Variants in CHD9 observed in about 807,000 individuals in gnomAD.
The protein encoded by CHD9 is chromodomain helicase DNA binding protein 9.
In CHD9, 77 loss-of-function variants were observed where a neutral mutation model predicts 316.1. The observed-to-expected ratio is 0.24, with a 90% CI of 0.20 to 0.29. The LOEUF is 0.29. Among genes scored for constraint, CHD9 ranks in the 10% least tolerant of loss-of-function variants. The probability of loss-of-function intolerance (pLI) is 1.00; values close to 1 mark genes in which losing one functional copy is unlikely to be tolerated. For synonymous variants in CHD9, 1,129 were observed against 1,158.3 expected, an observed-to-expected ratio of 0.97 and a Z score of 0.51; for missense variants, 2,763 against 3,438.1, an observed-to-expected ratio of 0.80 and a Z score of 4.91.
chr16:53,137,135 A>C (rs1043296814), intron 1 of CHD9, among the ~76,000 whole-genome samples: 4 of 151,910 alleles, frequency 2.6e-5, no homozygotes, highest in African/African-American at 9.7e-5. Flanking sequence ...CACCACGCCC[A>C]GCTAATTTTT....
chr16:53,217,777 T>A (rs994019737), intron 3 of CHD9, among the ~76,000 whole-genome samples: 2 of 151,942 alleles, frequency 1.3e-5, no homozygotes, highest in South Asian at 2.1e-4. Context: ...TAAAAAAAAA[T>A]TATAATATTT....
chr16:53,238,260 C>G, intron 11 of CHD9, 83 bp from the exon 12 acceptor site: 2 of 1,216,586 alleles, frequency 1.6e-6, no homozygotes, highest in Non-Finnish European at 1.1e-6. Context: ...TTTATTTGAT[C>G]TTTGATTATT....
chr16:53,195,370 A>G (rs765081444), intron 2 of CHD9, among the ~76,000 whole-genome samples: 5 of 152,226 alleles, frequency 3.3e-5, no homozygotes, highest in African/African-American at 4.8e-5. Flanking sequence ...TATATTTTCT[A>G]TTAGTTACAA....
chr16:53,229,572 C>T (rs1597534402), intron 8 of CHD9, among the ~76,000 whole-genome samples: 1 of 152,258 alleles, frequency 6.6e-6, no homozygotes, highest in Middle Eastern at 3.4e-3. Context: ...CCAGATTTTT[C>T]TAATAGACTC....
At chr16:53,150,550 C>T (rs2041016729) in intron 1 of CHD9, among the ~76,000 whole-genome samples, 3 of 152,060 alleles carry the variant, frequency 2.0e-5, no homozygotes, top group African/African-American at 7.2e-5. Flanking sequence ...TTATATTTAC[C>T]TATATAATTA....
At chr16:53,143,785 G>A (rs1052800603) in intron 1 of CHD9, among the ~76,000 whole-genome samples, 1 of 152,110 alleles carries the variant, frequency 6.6e-6, no homozygotes, top group Non-Finnish European at 1.5e-5. Flanking sequence ...AATATTACAA[G>A]TTGGATTATT....
At chr16:53,061,780 C>T (rs2032936230) in intron 1 of CHD9, among the ~76,000 whole-genome samples, 1 of 152,176 alleles carries the variant, frequency 6.6e-6, no homozygotes, top group Non-Finnish European at 1.5e-5. Context: ...AAAGGTAGCC[C>T]AGGGCATCTG....
chr16:53,299,953 A>G (rs561572614), intron 30 of CHD9, among the ~76,000 whole-genome samples: 3 of 152,368 alleles, frequency 2.0e-5, no homozygotes, highest in East Asian at 3.9e-4. Context: ...AACCTTTGTT[A>G]CAAGTGTTAC....
intron 34 of CHD9, among the ~76,000 whole-genome samples, chr16:53,312,509 C>CA (rs373832374): frequency 3.3e-4 from 50 of 152,260 alleles, no homozygotes; most frequent in African/African-American, 1.1e-3. Context: ...TAGCATGAAA[C>CA]AGAGACTAGA....
In CHD9 at chr16:53,267,375, T is replaced by C; in HGVS notation, c.4402T>C (p.Ser1468Pro). The part of the protein sequence containing the change: ...SATKDELAEL[S>P]EAESEGDEKP... ...CACAAAAGATGAATTGGCTGAATTA[T>C]CTGAAGCTGAAAGTGAAGGAGATGA... Residue 1468 changes from serine (S) to proline (P), a missense_variant, in exon 21 of 39, where the codon TCT (serine) becomes CCT (proline). By Grantham distance (74) the Ser-to-Pro change is moderately conservative. Around this residue, in one of 15 missense-constraint regions of CHD9, gnomAD observed 199 missense variants for 251.7 expected, o/e 0.79. Transcript: ENST00000447540. The C allele has an allele frequency of 6.2e-7, 1 of 1,613,076 alleles. No individual in the cohort carries two copies. Among genetic ancestry groups the C allele is most frequent in the Non-Finnish European group, 8.5e-7 (1 of 1,179,370 alleles).
intron 2 of CHD9, among the ~76,000 whole-genome samples, chr16:53,175,582 T>C (rs2043046958): frequency 6.6e-6 from 1 of 152,366 alleles, no homozygotes; most frequent in East Asian, 1.9e-4. Flanking sequence ...TGTTTCATAA[T>C]ATGGAATTGT....
At chr16:53,208,091 G>A (rs551671439) in intron 2 of CHD9, 1 of 1,005,394 alleles carries the variant, frequency 9.9e-7, no homozygotes, top group East Asian at 1.1e-4. Flanking sequence ...CAGCTTTTTA[G>A]GAGTGTTTAC....
Position 53,156,913 on chromosome 16 carries a change from C to A in CHD9, c.824C>A (p.Ser275Tyr). 1 of 1,613,444 alleles carries A rather than the reference C, an allele frequency of 6.2e-7. No homozygotes were observed. Among genetic ancestry groups the A allele is most frequent in the Non-Finnish European group, 8.5e-7 (1 of 1,179,504 alleles). The change falls in exon 2 of 39, where the codon TCC becomes TAC. Residue 275 changes from serine to tyrosine, a missense_variant. Physicochemically the swap from Ser to Tyr is moderately radical, Grantham distance 144. Transcript: ENST00000447540. ...SNSQQFSSHYSFSSNHISPNS... is the reference protein window; with the variant it reads ...SNSQQFSSHYYFSSNHISPNS... Reference sequence around the variant, plus strand: ...TCACAGCAATTTTCTTCACATTATTCCTTTTCCAGTAATCATATATCACCA... The same window carrying A: ...TCACAGCAATTTTCTTCACATTATTACTTTTCCAGTAATCATATATCACCA...
intron 2 of CHD9, among the ~76,000 whole-genome samples, chr16:53,175,629 A>G (rs2043051457): frequency 6.6e-6 from 1 of 152,210 alleles, no homozygotes; most frequent in Non-Finnish European, 1.5e-5. Flanking sequence ...TATGATAAGC[A>G]TCTTTATAGA....
At chr16:53,071,726 G>A (rs1001402177) in intron 1 of CHD9, among the ~76,000 whole-genome samples, 3 of 152,106 alleles carry the variant, frequency 2.0e-5, no homozygotes, top group Non-Finnish European at 2.9e-5. Flanking sequence ...CCCACCCCTC[G>A]GTCCTGCTCA....
At chr16:53,066,718 T>C (rs1232169565) in intron 1 of CHD9, among the ~76,000 whole-genome samples, 3 of 152,140 alleles carry the variant, frequency 2.0e-5, no homozygotes, top group African/African-American at 7.2e-5. Context: ...CTGTGTCCGC[T>C]CCTTCTCTTT....
At chr16:53,234,532 G>C (rs2048451226) in intron 10 of CHD9, among the ~76,000 whole-genome samples, 1 of 148,584 alleles carries the variant, frequency 6.7e-6, no homozygotes, top group African/African-American at 2.5e-5. Flanking sequence ...GTTTTAATTA[G>C]GAGTGGATGT....
rs2057470319 is a variant in CHD9 at position 53,324,617 on chromosome 16, A to T, written c.8416A>T (p.Met2806Leu). The T allele has an allele frequency of 6.2e-7, 1 of 1,613,750 alleles. No individual in the cohort carries two copies. The change falls in exon 39 of 39, where the codon ATG becomes TTG. Residue 2806 changes from methionine (M) to leucine (L), a missense_variant. Met to Leu is a conservative substitution (Grantham distance 15). This residue lies in a region of CHD9 where 298 missense variants were observed against 380.2 expected (regional missense o/e 0.78). Transcript: ENST00000447540. ...LLLSNILYPG[M>L]LLTPGLNLHI... ...ACTATCTAATATACTTTATCCAGGG[A>T]TGCTTCTCACTCCAGGCCTTAATCT...
At position 53,304,376 on chromosome 16, in the gene CHD9, C is replaced by T; in HGVS notation, c.6370C>T (p.His2124Tyr). 1 of 1,613,312 alleles carries T rather than the reference C, an allele frequency of 6.2e-7. No homozygotes were observed. Residue 2124 changes from histidine (H) to tyrosine (Y), a missense_variant, in exon 31 of 39, where the codon CAC (histidine) becomes TAC (tyrosine). Physicochemically the swap from His to Tyr is moderately conservative, Grantham distance 83. Transcript: ENST00000447540. Reference sequence around the variant, plus strand: ...CCCAGCTTCTAAGAAACCAAGAGTCCACAAAAGGGGATCAGAATCTAGTTC... The same window carrying T: ...CCCAGCTTCTAAGAAACCAAGAGTCTACAAAAGGGGATCAGAATCTAGTTC... Reference protein sequence around the residue: ...PNPASKKPRVHKRGSESSSDS... With the variant: ...PNPASKKPRVYKRGSESSSDS...
Sources: gnomAD v4.1 joint callset for allele counts (sites outside exome capture counted in the v4.1 genomes callset) on GRCh38, gnomAD v4.1.1 for gene constraint, gnomAD v4.1.1 regional missense constraint, MANE v1.5 for transcripts, NCBI Gene and HGNC (gene_info 2026-07-23, HGNC 2026-07-21) for gene names.